LLGL2: variants seen among roughly 807,000 people sequenced by gnomAD.
The protein encoded by LLGL2 is LLGL2, scribble cell polarity complex component.
In LLGL2, 81 loss-of-function variants were observed where a neutral mutation model predicts 123.2. That is an observed-to-expected ratio of 0.66 (90% CI 0.55 to 0.79). The LOEUF (loss-of-function observed/expected upper bound fraction) is 0.79. Among genes scored for constraint, LLGL2 ranks in the 30% least tolerant of loss-of-function variants. The probability of loss-of-function intolerance (pLI) is 0.00; values close to 1 mark genes in which losing one functional copy is unlikely to be tolerated. For synonymous variants in LLGL2, 577 were observed against 594.1 expected, an observed-to-expected ratio of 0.97 and a Z score of 0.42; for missense variants, 1,273 against 1,414.6, an observed-to-expected ratio of 0.90 and a Z score of 1.61.
At chr17:75,565,808 C>T (rs897443986) in intron 10 of LLGL2, among the ~76,000 whole-genome samples, 2 of 152,272 alleles carry the variant, frequency 1.3e-5, no homozygotes, top group Middle Eastern at 3.4e-3. Context: ...GAAGCTCTCA[C>T]GTAATGGTTC....
chr17:75,543,826 G>C (rs1300965581), intron 2 of LLGL2, among the ~76,000 whole-genome samples: 1 of 152,252 alleles, frequency 6.6e-6, no homozygotes, highest in Middle Eastern at 3.4e-3. Context: ...CTCGGCACAG[G>C]GTTGTCAAGG....
intron 10 of LLGL2, among the ~76,000 whole-genome samples, chr17:75,566,179 A>T (rs1166004102): frequency 1.3e-5 from 2 of 152,220 alleles, no homozygotes; most frequent in African/African-American, 4.8e-5. Flanking sequence ...AGAGGGCAGA[A>T]TGGCCCCCGT....
intron 7 of LLGL2, 51 bp from the exon 8 acceptor site, chr17:75,563,280 G>A (rs1417912384): frequency 5.0e-6 from 8 of 1,603,406 alleles, no homozygotes; most frequent in Middle Eastern, 1.7e-4. Context: ...CGATGGGAAC[G>A]CCGCCTCGGT....
chr17:75,539,298 T>C (rs1015150355), intron 1 of LLGL2, among the ~76,000 whole-genome samples: 2 of 152,148 alleles, frequency 1.3e-5, no homozygotes, highest in Non-Finnish European at 2.9e-5. Flanking sequence ...TGAGCTCAAG[T>C]GATCCTCCCA....
intron 2 of LLGL2, chr17:75,546,415 A>G (rs2054425966): frequency 3.1e-5 from 5 of 159,622 alleles, no homozygotes; most frequent in Admixed American, 2.4e-4. Context: ...CACTCCATCC[A>G]TAGAGTTGGT....
intron 3 of LLGL2, chr17:75,557,828 A>C: frequency 5.1e-6 from 2 of 394,594 alleles, no homozygotes; most frequent in South Asian, 2.1e-5. Flanking sequence ...GGTGCTACCA[A>C]GCGACAGCCA....
rs1306477336 is a variant in LLGL2 at position 75,574,434 on chromosome 17, G to A, written c.2954-19G>A. ...GCCCCAAGGGCCTCAGTGGGCCTCT[G>A]TTCCCACCCGGCCTGCAGGAGTCCT... On this transcript the variant is annotated intron_variant, in intron 23 of 25. Coordinates refer to ENST00000392550, the MANE Select transcript of LLGL2 (RefSeq NM_001031803.2). The A allele has an allele frequency of 4.5e-6, 7 of 1,548,638 alleles. No homozygotes were observed. Among genetic ancestry groups the A allele is most frequent in the South Asian group, 2.4e-5 (2 of 84,016 alleles).
intron 17 of LLGL2, 82 bp downstream of exon 17, chr17:75,571,182 T>C (rs897325694): frequency 9.5e-5 from 128 of 1,351,126 alleles, no homozygotes; most frequent in Non-Finnish European, 1.3e-4. Flanking sequence ...CGGGGGCTGC[T>C]GCCTGCCTGG....
chr17:75,552,243 C>T (rs1401376796), intron 2 of LLGL2, among the ~76,000 whole-genome samples: 1 of 152,140 alleles, frequency 6.6e-6, no homozygotes, highest in Non-Finnish European at 1.5e-5. Flanking sequence ...CACTCTGGCA[C>T]TCTGGAAGGC....
intron 2 of LLGL2, among the ~76,000 whole-genome samples, chr17:75,555,738 G>T (rs1453126206): frequency 6.6e-6 from 1 of 152,128 alleles, no homozygotes; most frequent in Non-Finnish European, 1.5e-5. Flanking sequence ...AGGAGGGCTG[G>T]GTCCGTCACC....
intron 21 of LLGL2, 50 bp downstream of exon 21, chr17:75,573,681 CCT>C: frequency 6.7e-7 from 1 of 1,491,662 alleles, no homozygotes; most frequent in East Asian, 2.4e-5. Context: ...CCCTCCCTGC[CCT>C]CTCTGAGATA....
In LLGL2 at chr17:75,573,494, C is replaced by G; in HGVS notation, c.2739C>G (p.Ile913Met). 6.2e-7 allele frequency: 1 copy of G among 1,610,488 alleles called. No homozygotes were observed. Among genetic ancestry groups the G allele is most frequent in the Non-Finnish European group, 8.5e-7 (1 of 1,177,890 alleles). The change falls in exon 21 of 26, where the codon ATC (isoleucine) becomes ATG (methionine). Residue 913 changes from isoleucine to methionine, a missense_variant. Coordinates refer to ENST00000392550, the MANE Select transcript of LLGL2 (RefSeq NM_001031803.2). ...CCCACTCCCCAGGCTTCTACCTGAT[C>G]TCACCCTCGGAGTTTGAGCGCTTCT... ...FTKYGQGFYL[I>M]SPSEFERFSL...
intron 2 of LLGL2, among the ~76,000 whole-genome samples, chr17:75,551,370 G>C (rs2054664053): frequency 6.6e-6 from 1 of 152,050 alleles, no homozygotes; most frequent in Non-Finnish European, 1.5e-5. Flanking sequence ...TGAAGCTCAG[G>C]GAGGCCCAGC....
chr17:75,558,185 G>C lies in LLGL2; in HGVS notation c.204G>C (p.Gly68=). 6.2e-7 allele frequency: 1 copy of C among 1,613,770 alleles called. No individual in the cohort carries two copies. Residue 68 remains glycine (G), a synonymous_variant, in exon 4 of 26, where the codon GGG becomes GGC. Transcript: ENST00000392550. This position sits in a 1 kb window ranked among gnomAD's most constrained non-coding sequence, Gnocchi z 4.0. ...GAGCCCCAGGCGTGGAGTTCATGGG[G>C]CTGCACCAGGAGAACAACGCTGTGA... ...LYGAPGVEFM[G]LHQENNAVTQ...
chr17:75,572,939 A>G, intron 19 of LLGL2, 75 bp from the exon 20 acceptor site: 1 of 1,476,716 alleles, frequency 6.8e-7, no homozygotes, highest in Admixed American at 1.9e-5. Context: ...TGGGGAGGGG[A>G]GGGCCCAGCA....
Position 75,543,371 on chromosome 17 carries a change from C to A in LLGL2, c.-30-26C>A, listed in dbSNP as rs369106141. On this transcript the variant is annotated intron_variant, in intron 1 of 25. Transcript: ENST00000392550. Reference sequence around the variant, plus strand: ...TCGATACCTGAGTGCCAGGACAGACCCCTGCAGCTCCTTCTGTTTCTCCAG... The same window carrying A: ...TCGATACCTGAGTGCCAGGACAGACACCTGCAGCTCCTTCTGTTTCTCCAG... 440 of 1,523,770 alleles carry A rather than the reference C, an allele frequency of 2.9e-4. 1 individual carries two copies. The highest frequency in any genetic ancestry group is 3.6e-4 in the Non-Finnish European group (404 of 1,114,072). 94.4% of individuals were successfully genotyped at this position (1,523,770 alleles called of 1,614,324 possible).
At chr17:75,557,034 CTT>C (rs55649536) in intron 3 of LLGL2, among the ~76,000 whole-genome samples, 2 of 109,884 alleles carry the variant, frequency 1.8e-5, no homozygotes, top group African/African-American at 9.4e-5. Flanking sequence ...GTCTCAAAAA[CTT>C]TTTTTTTTTT....
At chr17:75,567,105 C>A (rs2062175551) in intron 10 of LLGL2, among the ~76,000 whole-genome samples, 1 of 152,148 alleles carries the variant, frequency 6.6e-6, no homozygotes, top group Non-Finnish European at 1.5e-5. Flanking sequence ...GGGGATCTGG[C>A]AAAGAACACC....
In LLGL2 at chr17:75,544,823, C is replaced by G. The variant is rs1036524108; in HGVS notation, c.75+1322C>G. On this transcript the variant is annotated intron_variant, in intron 2 of 25. Coordinates refer to ENST00000392550, the MANE Select transcript of LLGL2 (RefSeq NM_001031803.2). This position sits in a 1 kb window ranked among gnomAD's most constrained non-coding sequence, Gnocchi z 4.2. ...TGGTGTCCCTGATGGAGCTTTGCCACGAGGACATTTGCCTCTGGAATTAGG... is the reference window on the plus strand; with the variant it reads ...TGGTGTCCCTGATGGAGCTTTGCCAGGAGGACATTTGCCTCTGGAATTAGG... 6.6e-6 allele frequency among the ~76,000 whole-genome samples: 1 copy of G among 152,128 alleles called. No individual in the cohort carries two copies. The highest frequency in any genetic ancestry group is 1.5e-5 in the Non-Finnish European group (1 of 68,026).
Sources: gnomAD v4.1 joint callset for allele counts (sites outside exome capture counted in the v4.1 genomes callset) on GRCh38, gnomAD v4.1.1 for gene constraint, Gnocchi (gnomAD v3.1) non-coding constraint, MANE v1.5 for transcripts, NCBI Gene and HGNC (gene_info 2026-07-23, HGNC 2026-07-21) for gene names.